Variants in CDH18 observed in about 807,000 individuals in gnomAD.
CDH18 encodes the protein cadherin 18, also known as cadherin-18.
Under a neutral mutation model 67.9 loss-of-function variants are expected in CDH18, and 31 were observed. The ratio of observed to expected loss-of-function variants is 0.46; its 90% CI spans 0.34 to 0.62. The LOEUF is 0.62. CDH18 is among the 20% of genes least tolerant of loss of function. The probability of loss-of-function intolerance (pLI) is 0.01; values close to 1 mark genes in which losing one functional copy is unlikely to be tolerated. For missense variants in CDH18, 890 were observed against 975.5 expected (o/e 0.91, Z 1.17); for synonymous variants, 362 against 347.2 (o/e 1.04, Z -0.48).
intron 2 of CDH18, among the ~76,000 whole-genome samples, chr5:19,994,772 G>T (rs1183153022): frequency 3.0e-5 from 3 of 98,534 alleles, no homozygotes; most frequent in South Asian, 3.5e-4. Flanking sequence ...GAGAGAGAGA[G>T]AGAGAGAGAG....
intron 1 of CDH18, among the ~76,000 whole-genome samples, chr5:20,389,311 CTTCT>C (rs1195107686): frequency 1.3e-5 from 2 of 152,104 alleles, no homozygotes; most frequent in Non-Finnish European, 2.9e-5. Flanking sequence ...ATGTAATGGC[CTTCT>C]TTGTCTCTTT....
chr5:20,390,420 A>G (rs1474822257), intron 1 of CDH18, among the ~76,000 whole-genome samples: 2 of 152,216 alleles, frequency 1.3e-5, no homozygotes, highest in Non-Finnish European at 2.9e-5. Flanking sequence ...AAGAAATGCA[A>G]ATCAAAAACA....
At chr5:19,666,288 T>C (rs1757936529) in intron 5 of CDH18, among the ~76,000 whole-genome samples, 1 of 130,006 alleles carries the variant, frequency 7.7e-6, no homozygotes, top group East Asian at 2.3e-4. Context: ...TATTATTTTC[T>C]CTAGAGACGG....
At chr5:20,389,411 C>A (rs541554399) in intron 1 of CDH18, among the ~76,000 whole-genome samples, 37 of 152,102 alleles carry the variant, frequency 2.4e-4, no homozygotes, top group Admixed American at 2.3e-3. Flanking sequence ...CTTGGTAGAT[C>A]TTCCTCCATC....
chr5:19,508,531 A>T (rs540644005), intron 10 of CDH18, among the ~76,000 whole-genome samples: 2 of 152,184 alleles, frequency 1.3e-5, no homozygotes, highest in African/African-American at 4.8e-5. Flanking sequence ...ATATCAAATA[A>T]ATGATATTAC....
chr5:20,374,825 G>A (rs1170903665), intron 1 of CDH18, among the ~76,000 whole-genome samples: 1 of 152,134 alleles, frequency 6.6e-6, no homozygotes, highest in African/African-American at 2.4e-5. Flanking sequence ...ATGGCAATGT[G>A]TTAAACTGAG....
chr5:20,259,742 A>C (rs192817986), intron 1 of CDH18, among the ~76,000 whole-genome samples: 1 of 152,294 alleles, frequency 6.6e-6, no homozygotes. Flanking sequence ...GTTCAGCTGC[A>C]CAGAGGATTA....
At chr5:20,203,352 A>T (rs1192741663) in intron 2 of CDH18, among the ~76,000 whole-genome samples, 4 of 152,170 alleles carry the variant, frequency 2.6e-5, no homozygotes, top group Non-Finnish European at 5.9e-5. Flanking sequence ...GCCAAAGGAG[A>T]CAACAAATCA....
chr5:20,564,507 G>A (rs1163658888), intron 1 of CDH18, among the ~76,000 whole-genome samples: 1 of 151,914 alleles, frequency 6.6e-6, no homozygotes, highest in Non-Finnish European at 1.5e-5. Flanking sequence ...GGCTGGTCTT[G>A]AACTCCTGAC....
At position 19,472,820 on chromosome 5, in the gene CDH18, CT is replaced by C; in HGVS notation, c.*405del. The C allele has an allele frequency of 6.2e-6, 1 of 162,536 alleles. No individual in the cohort carries two copies. Among genetic ancestry groups the C allele is most frequent in the Non-Finnish European group, 1.4e-5 (1 of 73,768 alleles). The allele number at this position is 162,536 out of a possible 1,614,324, so 10.1% of individuals were successfully genotyped here. ...GGTTGTGATTACCTTCACAAGTTTC[CT>C]GTATTAGTGTTACCACCCCTATAAG... On this transcript the variant is annotated 3_prime_UTR_variant, in exon 13 of 13. Transcript: ENST00000382275.
At chr5:20,421,394 A>C (rs182792052) in intron 1 of CDH18, among the ~76,000 whole-genome samples, 1 of 150,386 alleles carries the variant, frequency 6.6e-6, no homozygotes, top group Admixed American at 6.6e-5. Flanking sequence ...TTTCAGATGG[A>C]GGGAAGCCTG....
At chr5:19,587,613 T>C (rs1273781040) in intron 7 of CDH18, among the ~76,000 whole-genome samples, 1 of 151,556 alleles carries the variant, frequency 6.6e-6, no homozygotes, top group African/African-American at 2.4e-5. Context: ...GTATGCAGTC[T>C]TATGTGTGGG....
intron 1 of CDH18, among the ~76,000 whole-genome samples, chr5:20,498,156 T>C (rs1754021872): frequency 6.6e-6 from 1 of 152,110 alleles, no homozygotes; most frequent in African/African-American, 2.4e-5. Context: ...AAGACAATCC[T>C]TATTTAGTGC....
intron 2 of CDH18, among the ~76,000 whole-genome samples, chr5:20,000,763 A>T (rs779149315): frequency 1.3e-5 from 2 of 152,114 alleles, no homozygotes; most frequent in Non-Finnish European, 2.9e-5. Context: ...TAGCAAGATG[A>T]TGAGAGAAAG....
chr5:19,925,673 A>G (rs1031375246), intron 2 of CDH18, among the ~76,000 whole-genome samples: 1 of 152,016 alleles, frequency 6.6e-6, no homozygotes, highest in Non-Finnish European at 1.5e-5. Flanking sequence ...TGTTTAGTAG[A>G]GACAAAGGTT....
chr5:19,563,320 T>C (rs1739780804), intron 8 of CDH18, among the ~76,000 whole-genome samples: 1 of 152,232 alleles, frequency 6.6e-6, no homozygotes, highest in Non-Finnish European at 1.5e-5. Context: ...TTTTGAACTT[T>C]AGTTTCTTCA....
At chr5:19,522,894 CAAAAAAAAAAAA>C (rs36099222) in intron 9 of CDH18, among the ~76,000 whole-genome samples, 1 of 83,876 alleles carries the variant, frequency 1.2e-5, no homozygotes. Flanking sequence ...GACTCCTTCT[CAAAAAAAAAAAA>C]AAAAAAAAAA....
chr5:19,722,765 C>A (rs1766275246), intron 4 of CDH18, among the ~76,000 whole-genome samples: 1 of 151,740 alleles, frequency 6.6e-6, no homozygotes, highest in Non-Finnish European at 1.5e-5. Flanking sequence ...AAAAATTCTA[C>A]CTACTAATTT....
At chr5:20,464,827 C>T (rs1237612944) in intron 1 of CDH18, among the ~76,000 whole-genome samples, 1 of 152,036 alleles carries the variant, frequency 6.6e-6, no homozygotes, top group Non-Finnish European at 1.5e-5. Flanking sequence ...TGGGAAATAG[C>T]TGTGTTACTA....
Sources: allele counts gnomAD v4.1 joint callset (sites outside exome capture counted in the v4.1 genomes callset), GRCh38; gene constraint gnomAD v4.1.1; transcripts MANE v1.5; gene names NCBI Gene and HGNC (gene_info 2026-07-23, HGNC 2026-07-21).